Variants in SLC30A7 observed in about 807,000 individuals in gnomAD.
SLC30A7 encodes zinc transporter 7.
A neutral mutation model predicts 46.0 loss-of-function variants in SLC30A7; 35 were observed. That is an observed-to-expected ratio of 0.76 (90% CI 0.58 to 1.01). SLC30A7 has a LOEUF of 1.01. SLC30A7 is among the 50% of genes least tolerant of loss of function. The pLI is 0.00. For synonymous variants in SLC30A7, 147 were observed against 157.8 expected (o/e 0.93, Z 0.51); for missense variants, 464 against 451.1 (o/e 1.03, Z -0.26).
At chr1:100,954,648 A>G (rs1473743556) in intron 8 of SLC30A7, among the ~76,000 whole-genome samples, 2 of 152,116 alleles carry the variant, frequency 1.3e-5, no homozygotes, top group East Asian at 3.8e-4. Flanking sequence ...CATGTTCTCT[A>G]TAAATATGCA....
intron 8 of SLC30A7, among the ~76,000 whole-genome samples, chr1:100,934,818 G>T (rs1653853869): frequency 6.6e-6 from 1 of 151,972 alleles, no homozygotes; most frequent in African/African-American, 2.4e-5. Context: ...ATAAAAATCT[G>T]CTATTACTAC....
At position 100,913,698 on chromosome 1, in the gene SLC30A7, C is replaced by T; in HGVS notation, c.547C>T (p.Leu183=). The change falls in exon 6 of 11, where the codon CTA becomes TTA. Residue 183 remains leucine, a synonymous_variant. Coordinates refer to ENST00000357650, the MANE Select transcript of SLC30A7 (RefSeq NM_133496.5). The part of the protein sequence containing the change: ...GHSHSLFNGA[L]DQAHGHVDHC... ...CAGTCATTCCCTCTTTAATGGTGCTCTAGATCAGGCACATGGCCATGTCGA... is the reference window on the plus strand; with the variant it reads ...CAGTCATTCCCTCTTTAATGGTGCTTTAGATCAGGCACATGGCCATGTCGA... 6.2e-7 allele frequency: 1 copy of T among 1,613,874 alleles called. No individual in the cohort carries two copies. The highest frequency in any genetic ancestry group is 1.1e-5 in the South Asian group (1 of 91,074).
intron 10 of SLC30A7, among the ~76,000 whole-genome samples, chr1:100,971,743 CTG>C (rs2101100052): frequency 6.6e-6 from 1 of 152,168 alleles, no homozygotes; most frequent in Admixed American, 6.5e-5. Flanking sequence ...TTTGCTAACT[CTG>C]AAATGATTTA....
At chr1:100,985,396 C>G (rs766026276), downstream of SLC30A7, among the ~76,000 whole-genome samples, 1 of 152,192 alleles carries the variant, frequency 6.6e-6, no homozygotes, top group Admixed American at 6.5e-5. Context: ...ATCTCACAAC[C>G]TCTTTTGTAT....
At chr1:100,901,321 TTTG>T (rs1381520388) in intron 2 of SLC30A7, among the ~76,000 whole-genome samples, 1 of 150,384 alleles carries the variant, frequency 6.6e-6, no homozygotes, top group Non-Finnish European at 1.5e-5. Flanking sequence ...TCTCCCTTCC[TTTG>T]TTTTTGCCTC....
rs142413129 is a variant in SLC30A7, at chr1:100,976,166, T to C, written c.*1309T>C. The stretch of plus-strand genomic sequence containing the variant: ...TAGCTACTGTATCTGTGATAAACTT[T>C]CCTATATCTTTCCTTGCCATTTCTA... On this transcript the variant is annotated 3_prime_UTR_variant, in exon 11 of 11. Coordinates refer to ENST00000357650, the MANE Select transcript of SLC30A7 (RefSeq NM_133496.5). 1 of 152,238 alleles carries C rather than the reference T, an allele frequency of 6.6e-6. No individual in the cohort carries two copies. The highest frequency in any genetic ancestry group is 1.9e-4 in the East Asian group (1 of 5,200). 9.4% of individuals were successfully genotyped at this position (152,238 alleles called of 1,614,324 possible).
chr1:100,940,194 A>G (rs1236748828), intron 8 of SLC30A7, among the ~76,000 whole-genome samples: 1 of 152,190 alleles, frequency 6.6e-6, no homozygotes, highest in Non-Finnish European at 1.5e-5. Flanking sequence ...GGCTTCCCTA[A>G]AAACTGGATA....
At chr1:100,915,242 T>C (rs1047130064) in intron 6 of SLC30A7, among the ~76,000 whole-genome samples, 17 of 149,754 alleles carry the variant, frequency 1.1e-4, no homozygotes, top group Non-Finnish European at 2.5e-4. Flanking sequence ...TCTTTCTTTC[T>C]TTCTTTCTTT....
rs779062372 is a variant in SLC30A7 at position 100,913,824 on chromosome 1, A to G, written c.655+18A>G. 3 of 1,591,904 alleles carry G rather than the reference A, an allele frequency of 1.9e-6. No individual in the cohort carries two copies. The Admixed American group carries it at 5.2e-5, about 28-fold the overall frequency. ...TTCTCATGGTGAGTACAGCCTAGAGACAAATGGACAGCCTCCAAATAAACA... is the reference window on the plus strand; with the variant it reads ...TTCTCATGGTGAGTACAGCCTAGAGGCAAATGGACAGCCTCCAAATAAACA... On this transcript the variant is annotated intron_variant, in intron 6 of 10. Transcript: ENST00000357650.
intron 10 of SLC30A7, among the ~76,000 whole-genome samples, chr1:100,966,728 G>T (rs756038520): frequency 1.3e-5 from 2 of 152,092 alleles, no homozygotes; most frequent in Non-Finnish European, 2.9e-5. Context: ...GTTCCTTCAA[G>T]AAAAAGTATA....
chr1:100,943,167 T>C (rs564966267), intron 8 of SLC30A7, among the ~76,000 whole-genome samples: 1 of 152,268 alleles, frequency 6.6e-6, no homozygotes, highest in Non-Finnish European at 1.5e-5. Flanking sequence ...GGGATCCCAC[T>C]TCTGATGCCA....
rs1199066224 is a variant in SLC30A7 at position 100,921,986 on chromosome 1, C to T, written c.842+145C>T. On this transcript the variant is annotated intron_variant, in intron 8 of 10. Transcript: ENST00000357650. ...TTTTTTTTTTTGAGACAGAGTCTCG[C>T]TCTGTCACCCAGGCTGGAGTGCTGT... 8 of 739,486 alleles carry T rather than the reference C, an allele frequency of 1.1e-5. No homozygotes were observed. In the East Asian group the frequency reaches 2.1e-4, roughly 20 times the overall value. 45.8% of individuals were successfully genotyped at this position (739,486 alleles called of 1,614,324 possible).
At chr1:100,928,410 T>C (rs1653451072) in intron 8 of SLC30A7, among the ~76,000 whole-genome samples, 1 of 152,162 alleles carries the variant, frequency 6.6e-6, no homozygotes, top group African/African-American at 2.4e-5. Context: ...TATGTGGCTA[T>C]TTAGAGAAGA....
At chr1:100,988,372 T>C in the SLC30A7 span, among the ~76,000 whole-genome samples, 1 of 152,218 alleles carries the variant, frequency 6.6e-6, no homozygotes, top group Non-Finnish European at 1.5e-5. Context: ...CCATTGTTTA[T>C]TATATTTTGT....
At chr1:100,965,655 C>T in intron 9 of SLC30A7, 114 bp from the exon 10 acceptor site, 2 of 866,056 alleles carry the variant, frequency 2.3e-6, no homozygotes, top group Non-Finnish European at 3.7e-6. Context: ...TCCTCCTTTC[C>T]TTTTTTTAAA....
rs1465272775 is a variant in SLC30A7, at chr1:100,975,833, T to G, written c.*976T>G. 4.8e-4 allele frequency: 5 copies of G among 10,450 alleles called. No individual in the cohort carries two copies. In the South Asian group the frequency reaches 0.054, roughly 114 times the overall value. 0.6% of individuals were successfully genotyped at this position (10,450 alleles called of 1,614,324 possible). A position where few individuals can be genotyped will look rare whatever the true frequency, so the allele number is the denominator to read the frequency against. The stretch of plus-strand genomic sequence containing the variant: ...GAGCCACCACGCCCGGCTATGTTTT[T>G]TTTTTTTTTTTTTTTTTTTTTTAAC... On this transcript the variant is annotated 3_prime_UTR_variant, in exon 11 of 11. Transcript: ENST00000357650.
chr1:100,995,872 G>T, the SLC30A7 span: 1 of 152,188 alleles, frequency 6.6e-6, no homozygotes, highest in East Asian at 1.9e-4. Context: ...AGCAACAGCT[G>T]CTTCCTGCTT....
chr1:100,920,941 G>C (rs754212834), intron 7 of SLC30A7, among the ~76,000 whole-genome samples: 2 of 151,986 alleles, frequency 1.3e-5, no homozygotes, highest in Non-Finnish European at 2.9e-5. Context: ...ATTTGTCTCA[G>C]TTGAGTTTTT....
chr1:100,953,341 C>A (rs1056521084), intron 8 of SLC30A7, among the ~76,000 whole-genome samples: 1 of 152,142 alleles, frequency 6.6e-6, no homozygotes, highest in Non-Finnish European at 1.5e-5. Flanking sequence ...TAGTTGAAAC[C>A]AGAGATTAAT....
Sources: gnomAD v4.1 joint callset for allele counts (sites outside exome capture counted in the v4.1 genomes callset) on GRCh38, gnomAD v4.1.1 for gene constraint, MANE v1.5 for transcripts, NCBI Gene and HGNC (gene_info 2026-07-23, HGNC 2026-07-21) for gene names.